Variants in PEBP4 observed in about 807,000 individuals in gnomAD.
PEBP4 encodes phosphatidylethanolamine binding protein 4, also known as phosphatidylethanolamine-binding protein 4.
A neutral mutation model predicts 23.9 loss-of-function variants in PEBP4; 22 were observed. The observed-to-expected ratio is 0.92, with a 90% CI of 0.66 to 1.31. PEBP4 has a LOEUF of 1.31. Ranked by LOEUF, PEBP4 falls within the 40% of genes most tolerant of loss-of-function variation. PEBP4 has a pLI of 0.00. For missense variants in PEBP4, 324 were observed against 281.7 expected, an observed-to-expected ratio of 1.15 and a Z score of -1.07; for synonymous variants, 112 against 99.3, an observed-to-expected ratio of 1.13 and a Z score of -0.76.
At chr8:22,844,845 C>T (rs994985425) in intron 3 of PEBP4, among the ~76,000 whole-genome samples, 2 of 152,162 alleles carry the variant, frequency 1.3e-5, no homozygotes, top group African/African-American at 4.8e-5. Context: ...GTTGATTGGA[C>T]CATGGTGGGC....
intron 3 of PEBP4, among the ~76,000 whole-genome samples, chr8:22,853,119 TG>T (rs1379052204): frequency 6.6e-6 from 1 of 152,278 alleles, no homozygotes; most frequent in African/African-American, 2.4e-5. Context: ...CATTTCAATC[TG>T]TAATTGCTTT....
intron 2 of PEBP4, chr8:22,925,265 T>C: frequency 9.1e-6 from 9 of 985,432 alleles, no homozygotes; most frequent in Non-Finnish European, 1.1e-5. Flanking sequence ...TTTCTCAGAC[T>C]GGGGGCCTGC....
At chr8:22,783,801 G>A (rs1012686318) in intron 4 of PEBP4, among the ~76,000 whole-genome samples, 1 of 152,170 alleles carries the variant, frequency 6.6e-6, no homozygotes, top group East Asian at 1.9e-4. Context: ...CCCAGCTAAT[G>A]TTTTGTATTT....
Position 22,891,972 on chromosome 8 carries a change from C to T in PEBP4, c.258+28212G>A, listed in dbSNP as rs190771551. On this transcript the variant is annotated intron_variant, in intron 3 of 6. Coordinates refer to ENST00000256404, the MANE Select transcript of PEBP4 (RefSeq NM_144962.3). The stretch of plus-strand genomic sequence containing the variant: ...CCTGTAGTCCCAGCTACTCAGGAGG[C>T]TCAGGCAGGAGAATGGCGTCAACCC... Among the ~76,000 whole-genome samples the T allele has an allele frequency of 1.1e-4, 16 of 152,160 alleles. No homozygotes were observed. The East Asian group carries it at 2.5e-3, about 24-fold the overall frequency.
At chr8:22,898,422 A>G (rs1257860182) in intron 3 of PEBP4, among the ~76,000 whole-genome samples, 2 of 105,568 alleles carry the variant, frequency 1.9e-5, no homozygotes, top group African/African-American at 3.1e-5. Context: ...AAAAAAAAAA[A>G]AAAAAAAAAC....
intron 4 of PEBP4, among the ~76,000 whole-genome samples, chr8:22,789,060 GATAC>G (rs1357223118): frequency 6.6e-6 from 1 of 152,158 alleles, no homozygotes; most frequent in Non-Finnish European, 1.5e-5. Flanking sequence ...TGTACAGTAT[GATAC>G]ATTCATTTTC....
At chr8:22,824,949 T>G (rs1011723830) in intron 3 of PEBP4, among the ~76,000 whole-genome samples, 4 of 152,156 alleles carry the variant, frequency 2.6e-5, no homozygotes, top group Admixed American at 2.6e-4. Flanking sequence ...GGACTCCTGC[T>G]GTAGGGTGAG....
At chr8:22,715,742 C>T (rs904035034) in intron 6 of PEBP4, among the ~76,000 whole-genome samples, 5 of 152,312 alleles carry the variant, frequency 3.3e-5, no homozygotes, top group South Asian at 2.1e-4. Flanking sequence ...ACCCAGTCCC[C>T]GTGCCGGCTA....
chr8:22,800,974 C>T lies in PEBP4; in HGVS notation c.357+16663G>A, dbSNP rs374512989. On this transcript the variant is annotated intron_variant, in intron 4 of 6. Transcript: ENST00000256404. ...CCTACCCCAATCCTACCCACCTTCACGGCCCCACCCAACTCTGCCACTCCA... is the reference window on the plus strand; with the variant it reads ...CCTACCCCAATCCTACCCACCTTCATGGCCCCACCCAACTCTGCCACTCCA... Among the ~76,000 whole-genome samples the T allele has an allele frequency of 2.3e-4, 35 of 152,212 alleles. 1 individual carries two copies. The highest frequency in any genetic ancestry group is 2.1e-4 in the South Asian group (1 of 4,824).
intron 3 of PEBP4, chr8:22,895,406 C>T (rs1808569662): frequency 6.6e-6 from 1 of 152,226 alleles, no homozygotes; most frequent in Non-Finnish European, 1.5e-5. Context: ...ATACTTTCTT[C>T]ACAAGCATTT....
chr8:22,939,821 G>A (rs189575049), intron 1 of PEBP4, among the ~76,000 whole-genome samples: 8 of 152,246 alleles, frequency 5.3e-5, no homozygotes, highest in East Asian at 3.9e-4. Flanking sequence ...GCTAGACCTC[G>A]GGCCAGAGGC....
chr8:22,859,079 C>T (rs534113969), intron 3 of PEBP4, among the ~76,000 whole-genome samples: 2 of 152,188 alleles, frequency 1.3e-5, no homozygotes, highest in East Asian at 3.8e-4. Context: ...ACCCAACATG[C>T]GGAATTCCAA....
At chr8:22,772,750 T>C (rs538155005) in intron 4 of PEBP4, among the ~76,000 whole-genome samples, 5 of 152,326 alleles carry the variant, frequency 3.3e-5, no homozygotes, top group Admixed American at 6.5e-5. Flanking sequence ...CTGTCTCCTC[T>C]ACCTGAAGGT....
At chr8:22,852,761 C>T (rs750797322) in intron 3 of PEBP4, among the ~76,000 whole-genome samples, 3 of 151,886 alleles carry the variant, frequency 2.0e-5, no homozygotes, top group African/African-American at 4.8e-5. Context: ...ATGAGGCATC[C>T]GTCTAAATTT....
intron 4 of PEBP4, among the ~76,000 whole-genome samples, chr8:22,763,505 G>T (rs898651777): frequency 2.6e-5 from 4 of 152,142 alleles, no homozygotes; most frequent in African/African-American, 9.7e-5. Context: ...TTCGAATCTT[G>T]CACTGCCACT....
intron 1 of PEBP4, among the ~76,000 whole-genome samples, chr8:22,933,328 T>G (rs531985580): frequency 6.6e-6 from 1 of 152,314 alleles, no homozygotes; most frequent in South Asian, 2.1e-4. Context: ...CTCAAGGAAT[T>G]TCAAGTAAAA....
At chr8:22,910,682 G>A (rs1464879493) in intron 3 of PEBP4, among the ~76,000 whole-genome samples, 1 of 152,200 alleles carries the variant, frequency 6.6e-6, no homozygotes, top group Non-Finnish European at 1.5e-5. Context: ...AGGCCTGGGT[G>A]GTAGTCTAGG....
rs545733884 is a variant in PEBP4 at position 22,762,627 on chromosome 8, C to T, written c.358-35407G>A. 7.2e-5 allele frequency among the ~76,000 whole-genome samples: 11 copies of T among 152,192 alleles called. No individual in the cohort carries two copies. In the South Asian group the frequency reaches 1.9e-3, roughly 26 times the overall value. ...TCGGTCAGGCCTCCAATTCCCATGC[C>T]GTTGCAGAGAAAAGAGACTGCAAGT... On this transcript the variant is annotated intron_variant, in intron 4 of 6. Transcript: ENST00000256404.
chr8:22,781,402 C>T (rs1335114634), intron 4 of PEBP4, among the ~76,000 whole-genome samples: 3 of 152,226 alleles, frequency 2.0e-5, no homozygotes, highest in Admixed American at 6.5e-5. Flanking sequence ...CCCCACACTT[C>T]CTCAGGGATC....
Sources: allele counts gnomAD v4.1 joint callset (sites outside exome capture counted in the v4.1 genomes callset), GRCh38; gene constraint gnomAD v4.1.1; transcripts MANE v1.5; gene names NCBI Gene and HGNC (gene_info 2026-07-23, HGNC 2026-07-21).